The following LMAN1 variants were observed in gnomAD, a reference collection of about 807,000 sequenced individuals.
LMAN1 encodes the protein lectin, mannose binding 1.
Under a neutral mutation model 67.8 loss-of-function variants are expected in LMAN1, and 32 were observed. That is an observed-to-expected ratio of 0.47 (90% confidence interval 0.36 to 0.63). The LOEUF is 0.63. LMAN1 is among the 30% of genes least tolerant of loss of function. The probability of loss-of-function intolerance (pLI) is 0.00; values close to 1 mark genes in which losing one functional copy is unlikely to be tolerated. For missense variants in LMAN1, 632 were observed against 628.2 expected (o/e 1.01, Z -0.06); for synonymous variants, 235 against 219.3 (o/e 1.07, Z -0.63).
intron 7 of LMAN1, among the ~76,000 whole-genome samples, chr18:59,346,809 C>T (rs1364817264): frequency 1.3e-5 from 2 of 152,030 alleles, no homozygotes; most frequent in South Asian, 2.1e-4. Context: ...CATGAGCCAC[C>T]ACACCCGGCC....
intron 10 of LMAN1, among the ~76,000 whole-genome samples, chr18:59,336,510 A>C (rs1367922135): frequency 2.0e-5 from 3 of 152,220 alleles, no homozygotes; most frequent in Non-Finnish European, 4.4e-5. Context: ...AAATAACTAA[A>C]TAAATAAATG....
Position 59,347,057 on chromosome 18 carries a change from C to T in LMAN1, c.822+456G>A, listed in dbSNP as rs186099210. 7.4e-3 allele frequency among the ~76,000 whole-genome samples: 1,120 copies of T among 151,868 alleles called. 7 individuals are homozygous for T. The highest frequency in any genetic ancestry group is 0.013 in the Non-Finnish European group (875 of 67,938). On this transcript the variant is annotated intron_variant, in intron 7 of 12. Coordinates refer to ENST00000251047, the MANE Select transcript of LMAN1 (RefSeq NM_005570.4). The stretch of plus-strand genomic sequence containing the variant: ...CATCCTGGCTAACATGGTGAAACCC[C>T]GTCTCTAGCAAAAAATACAAGAAAT...
At chr18:59,345,317 G>A (rs1310943085) in intron 8 of LMAN1, among the ~76,000 whole-genome samples, 1 of 152,114 alleles carries the variant, frequency 6.6e-6, no homozygotes, top group Admixed American at 6.5e-5. Context: ...GCCTTAAAAT[G>A]TTTTATTTTT....
intron 10 of LMAN1, among the ~76,000 whole-genome samples, chr18:59,338,311 T>C (rs1056156544): frequency 2.6e-5 from 4 of 152,204 alleles, no homozygotes; most frequent in African/African-American, 9.6e-5. Flanking sequence ...AACTGACAAA[T>C]CTCTTTAAAA....
intron 10 of LMAN1, 59 bp from the exon 11 acceptor site, chr18:59,333,303 A>G: frequency 1.5e-6 from 2 of 1,307,048 alleles, no homozygotes; most frequent in Non-Finnish European, 2.2e-6. Context: ...TTTTTCAGTC[A>G]CAGATCTCCA....
rs776633535 is a variant in LMAN1, at chr18:59,328,728, A to G, written c.*2365T>C. 5 of 152,198 alleles carry G rather than the reference A, an allele frequency of 3.3e-5. No individual in the cohort carries two copies. Among genetic ancestry groups the G allele is most frequent in the Non-Finnish European group, 5.9e-5 (4 of 68,030 alleles). 9.4% of individuals were successfully genotyped at this position (152,198 alleles called of 1,614,324 possible). On this transcript the variant is annotated 3_prime_UTR_variant, in exon 13 of 13. Coordinates refer to ENST00000251047, the MANE Select transcript of LMAN1 (RefSeq NM_005570.4). ...CCATGACCCAGATGGTCCATGGATC[A>G]TACTTTGAGAAACACTGATATCCCC... is the stretch of plus-strand genomic sequence containing the variant.
intron 8 of LMAN1, among the ~76,000 whole-genome samples, chr18:59,344,430 C>CGT (rs140452274): frequency 4.0e-5 from 6 of 151,564 alleles, no homozygotes; most frequent in Non-Finnish European, 7.4e-5. Context: ...GAAAATGTGG[C>CGT]GTGTGTGTGT....
chr18:59,351,049 C>CT (rs1908533346), intron 5 of LMAN1, among the ~76,000 whole-genome samples: 1 of 152,168 alleles, frequency 6.6e-6, no homozygotes, highest in Non-Finnish European at 1.5e-5. Flanking sequence ...CCTCCTCTTA[C>CT]TTTGTTTTTC....
rs1044169959 is a variant in LMAN1 at position 59,328,444 on chromosome 18, G to A, written c.*2649C>T. On this transcript the variant is annotated 3_prime_UTR_variant, in exon 13 of 13. Transcript: ENST00000251047. ...CAGTCTGTAGTTGCTCATGAACCAC[G>A]CGTTTTAATAAAAGGAACATTAAGT... 3 of 152,134 alleles carry A rather than the reference G, an allele frequency of 2.0e-5. No individual in the cohort carries two copies. Among genetic ancestry groups the A allele is most frequent in the African/African-American group, 7.2e-5 (3 of 41,436 alleles). 9.4% of individuals were successfully genotyped at this position (152,134 alleles called of 1,614,324 possible). A position where few individuals can be genotyped will look rare whatever the true frequency, so the allele number is the denominator to read the frequency against.
chr18:59,353,049 A>G, intron 5 of LMAN1, 153 bp downstream of exon 5: 2 of 678,804 alleles, frequency 2.9e-6, no homozygotes, highest in South Asian at 3.1e-5. Flanking sequence ...ACTTACACTG[A>G]GCTGTGAAGC....
chr18:59,351,821 T>G (rs545894509), intron 5 of LMAN1, among the ~76,000 whole-genome samples: 3 of 152,208 alleles, frequency 2.0e-5, no homozygotes, highest in Non-Finnish European at 2.9e-5. Context: ...GACTTACTGA[T>G]GACTCTAATG....
chr18:59,345,672 C>T (rs1417968639), intron 8 of LMAN1, among the ~76,000 whole-genome samples: 1 of 152,164 alleles, frequency 6.6e-6, no homozygotes, highest in Non-Finnish European at 1.5e-5. Context: ...CTCTAGCGGT[C>T]CCATTCCTCC....
chr18:59,334,116 T>C (rs1364760521), intron 10 of LMAN1, among the ~76,000 whole-genome samples: 1 of 152,208 alleles, frequency 6.6e-6, no homozygotes, highest in Non-Finnish European at 1.5e-5. Flanking sequence ...ATAACTAAAA[T>C]AATACCAAGA....
At chr18:59,354,983 T>C (rs776690908) in intron 3 of LMAN1, among the ~76,000 whole-genome samples, 3 of 152,182 alleles carry the variant, frequency 2.0e-5, no homozygotes, top group East Asian at 1.9e-4. Flanking sequence ...AAGTGTTTAG[T>C]AGAGTCTCCT....
chr18:59,347,676 G>T, intron 6 of LMAN1, 105 bp from the exon 7 acceptor site: 1 of 877,562 alleles, frequency 1.1e-6, no homozygotes, highest in Non-Finnish European at 1.8e-6. Flanking sequence ...ACAATAACCA[G>T]TGAGGGAATT....
At position 59,348,612 on chromosome 18, in the gene LMAN1, T is replaced by TTCTC. The variant is rs541635135; in HGVS notation, c.763+500_763+501insGAGA. Among the ~76,000 whole-genome samples, 394 of 152,334 alleles carry TTCTC rather than the reference T, an allele frequency of 2.6e-3. 1 individual carries two copies. Among genetic ancestry groups the TTCTC allele is most frequent in the Admixed American group, 4.3e-3 (66 of 15,302 alleles). On this transcript the variant is annotated intron_variant, in intron 6 of 12. Coordinates refer to ENST00000251047, the MANE Select transcript of LMAN1 (RefSeq NM_005570.4). The stretch of plus-strand genomic sequence containing the variant: ...TGACGTTGAATGGTAATTTATCACC[T>TTCTC]TATGTGGAAAAAAATGGTAACTATG...
chr18:59,340,172 G>C (rs1908255431), intron 8 of LMAN1, among the ~76,000 whole-genome samples: 1 of 152,142 alleles, frequency 6.6e-6, no homozygotes, highest in African/African-American at 2.4e-5. Context: ...CTTAGTCCGA[G>C]TTCAAGTTCA....
chr18:59,350,627 G>A (rs946407197), intron 5 of LMAN1, among the ~76,000 whole-genome samples: 9 of 151,922 alleles, frequency 5.9e-5, no homozygotes, highest in African/African-American at 1.7e-4. Flanking sequence ...CCCGAGTAGC[G>A]GAGACTACAG....
Position 59,359,190 on chromosome 18 carries a change from C to A in LMAN1, c.55G>T (p.Ala19Ser). 6.2e-7 allele frequency: 1 copy of A among 1,614,044 alleles called. No homozygotes were observed. The highest frequency in any genetic ancestry group is 8.5e-7 in the Non-Finnish European group (1 of 1,179,944). ...LRARVRPLFC[A>S]LLLSLGRFVR... ...AAGCGACCGAGTGACAGCAGCAAGGCGCAGAACAGCGGCCGAACTCTGGCC... is the reference window on the plus strand; with the variant it reads ...AAGCGACCGAGTGACAGCAGCAAGGAGCAGAACAGCGGCCGAACTCTGGCC... Residue 19 changes from alanine to serine, a missense_variant, in exon 1 of 13, where the codon GCC becomes TCC. Ala to Ser is a moderately conservative substitution (Grantham distance 99). Transcript: ENST00000251047.
Sources: gnomAD v4.1 joint callset for allele counts (sites outside exome capture counted in the v4.1 genomes callset) on GRCh38, gnomAD v4.1.1 for gene constraint, MANE v1.5 for transcripts, NCBI Gene and HGNC (gene_info 2026-07-23, HGNC 2026-07-21) for gene names.